The following STXBP5L variants were observed in gnomAD, a reference collection of about 807,000 sequenced individuals.
The protein encoded by STXBP5L is syntaxin binding protein 5L.
In STXBP5L, 65 loss-of-function variants were observed where a neutral mutation model predicts 144.5. That is an observed-to-expected ratio of 0.45 (90% CI 0.37 to 0.55). STXBP5L has a LOEUF of 0.55. Among genes scored for constraint, STXBP5L ranks in the 20% least tolerant of loss-of-function variants. The pLI, the probability that STXBP5L is intolerant of heterozygous loss-of-function variation, is 0.00. For missense variants in STXBP5L, 1,298 were observed against 1,405.5 expected, an observed-to-expected ratio of 0.92 and a Z score of 1.22; for synonymous variants, 505 against 469.6, an observed-to-expected ratio of 1.08 and a Z score of -0.97.
chr3:120,911,182 A>G (rs554551492), intron 2 of STXBP5L, among the ~76,000 whole-genome samples: 19 of 152,284 alleles, frequency 1.2e-4, no homozygotes, highest in Non-Finnish European at 2.6e-4. Context: ...GACTTCTGAA[A>G]CAGAATGGCA....
intron 22 of STXBP5L, among the ~76,000 whole-genome samples, chr3:121,393,877 A>G (rs2046658463): frequency 2.0e-5 from 3 of 152,092 alleles, no homozygotes; most frequent in Admixed American, 6.6e-5. Flanking sequence ...CTGCAGCTTC[A>G]TTCTTTTTGC....
At chr3:121,161,732 C>A (rs1347764985) in intron 9 of STXBP5L, among the ~76,000 whole-genome samples, 2 of 151,952 alleles carry the variant, frequency 1.3e-5, no homozygotes, top group Non-Finnish European at 2.9e-5. Flanking sequence ...AATTGCAGTG[C>A]TACCAGTTAC....
intron 6 of STXBP5L, among the ~76,000 whole-genome samples, chr3:121,118,341 T>G (rs1432272750): frequency 6.6e-6 from 1 of 151,632 alleles, no homozygotes; most frequent in African/African-American, 2.4e-5. Context: ...TGAGTTTCAG[T>G]TAGATGAGTA....
intron 20 of STXBP5L, among the ~76,000 whole-genome samples, chr3:121,354,457 A>G (rs893466245): frequency 1.5e-5 from 2 of 130,022 alleles, no homozygotes; most frequent in Non-Finnish European, 3.3e-5. Context: ...GTCTCTTTTG[A>G]TCTTTGTTGG....
At chr3:121,028,585 A>G (rs1946132266) in intron 3 of STXBP5L, among the ~76,000 whole-genome samples, 1 of 152,124 alleles carries the variant, frequency 6.6e-6, no homozygotes, top group Admixed American at 6.6e-5. Context: ...TCTTTTAGAA[A>G]TATTGCTTCA....
At chr3:121,207,925 C>T (rs1398019930) in intron 10 of STXBP5L, among the ~76,000 whole-genome samples, 6 of 152,004 alleles carry the variant, frequency 3.9e-5, no homozygotes, top group South Asian at 2.1e-4. Flanking sequence ...GACAGTGTGG[C>T]GATTCCTCAG....
intron 7 of STXBP5L, among the ~76,000 whole-genome samples, chr3:121,147,353 T>A (rs1483482895): frequency 6.6e-6 from 1 of 152,148 alleles, no homozygotes. Flanking sequence ...ACTACACTTC[T>A]GAATAGCTTC....
At chr3:121,076,220 C>G (rs1358561206) in intron 5 of STXBP5L, among the ~76,000 whole-genome samples, 1 of 152,152 alleles carries the variant, frequency 6.6e-6, no homozygotes, top group Non-Finnish European at 1.5e-5. Flanking sequence ...TGGAGTTCCT[C>G]CCTTGGCTTT....
At chr3:120,991,530 A>G (rs1318365192) in intron 3 of STXBP5L, among the ~76,000 whole-genome samples, 1 of 152,276 alleles carries the variant, frequency 6.6e-6, no homozygotes, top group Non-Finnish European at 1.5e-5. Context: ...ACACATGCAC[A>G]TGTATGTTTA....
At chr3:121,050,785 C>A (rs1947912713) in intron 5 of STXBP5L, among the ~76,000 whole-genome samples, 1 of 152,118 alleles carries the variant, frequency 6.6e-6, no homozygotes, top group Non-Finnish European at 1.5e-5. Flanking sequence ...AAGACACAGA[C>A]TGGCAAATTG....
intron 5 of STXBP5L, 89 bp downstream of exon 5, chr3:121,045,624 C>A: frequency 8.8e-7 from 1 of 1,130,702 alleles, no homozygotes; most frequent in Non-Finnish European, 1.3e-6. Flanking sequence ...CTTTTTTCCT[C>A]ATAATCTCAA....
chr3:121,364,569 C>G (rs953267163), intron 20 of STXBP5L, among the ~76,000 whole-genome samples: 8 of 151,046 alleles, frequency 5.3e-5, no homozygotes, highest in Non-Finnish European at 1.2e-4. Flanking sequence ...ATATTAAGTC[C>G]TCTAATCCAT....
rs753133055 is a variant in STXBP5L, at chr3:121,041,684, AC to A, written c.288-15del. ...GCTAATTAAAATGTTAGAATCCTTG[AC>A]TTTTATTATATTAGACTCGGGAGAC... is the stretch of plus-strand genomic sequence containing the variant. On this transcript the variant is annotated splice_polypyrimidine_tract_variant and intron_variant, in intron 3 of 26. Coordinates refer to ENST00000471454, the MANE Select transcript of STXBP5L (RefSeq NM_001308330.2). 4.4e-6 allele frequency: 7 copies of A among 1,595,476 alleles called. No homozygotes were observed. In the South Asian group the frequency reaches 6.6e-5, roughly 15 times the overall value.
chr3:121,011,541 C>T (rs533550010), intron 3 of STXBP5L, among the ~76,000 whole-genome samples: 1 of 151,614 alleles, frequency 6.6e-6, no homozygotes, highest in Non-Finnish European at 1.5e-5. Context: ...CAAGCTTCAT[C>T]CTCATTTACC....
chr3:121,032,286 T>C (rs1320859493), intron 3 of STXBP5L, among the ~76,000 whole-genome samples: 1 of 150,868 alleles, frequency 6.6e-6, no homozygotes, highest in East Asian at 1.9e-4. Flanking sequence ...CTTGTTATTA[T>C]AAAAAGCCAA....
At chr3:120,966,770 G>A (rs1008618995) in intron 3 of STXBP5L, among the ~76,000 whole-genome samples, 2 of 152,114 alleles carry the variant, frequency 1.3e-5, no homozygotes, top group Non-Finnish European at 2.9e-5. Context: ...CCCACTTGAG[G>A]AGGCAGTGTG....
chr3:121,411,853 A>C lies in STXBP5L; in HGVS notation c.2949-1305A>C, dbSNP rs145584327. ...ACACATCTCTGTCAGTTTTGCCTTA[A>C]AGAAAGACAATAGACCAAGTATGCA... On this transcript the variant is annotated intron_variant, in intron 23 of 26. Transcript: ENST00000471454. Among the ~76,000 whole-genome samples, 14 of 152,236 alleles carry C rather than the reference A, an allele frequency of 9.2e-5. No homozygotes were observed. The East Asian group carries it at 1.7e-3, about 19-fold the overall frequency.
At chr3:121,268,144 A>G (rs1029109712) in intron 18 of STXBP5L, among the ~76,000 whole-genome samples, 1 of 152,222 alleles carries the variant, frequency 6.6e-6, no homozygotes, top group African/African-American at 2.4e-5. Context: ...GATAGCAAAG[A>G]CTTGTAACCA....
intron 19 of STXBP5L, among the ~76,000 whole-genome samples, chr3:121,280,750 T>C (rs1379090974): frequency 1.3e-5 from 2 of 151,824 alleles, no homozygotes; most frequent in Non-Finnish European, 2.9e-5. Context: ...GCTTCTATAA[T>C]ATTAAGTGTT....
Sources: allele counts gnomAD v4.1 joint callset (sites outside exome capture counted in the v4.1 genomes callset), GRCh38; gene constraint gnomAD v4.1.1; transcripts MANE v1.5; gene names NCBI Gene and HGNC (gene_info 2026-07-23, HGNC 2026-07-21).